TRPA1: variants seen among roughly 807,000 people sequenced by gnomAD.
TRPA1 encodes ankyrin-like with transmembrane domains 1.
Under a neutral mutation model 131.3 loss-of-function variants are expected in TRPA1, and 129 were observed. The observed-to-expected ratio is 0.98, with a 90% CI of 0.85 to 1.14. The LOEUF (loss-of-function observed/expected upper bound fraction) is 1.14, where lower values mean the gene tolerates loss of function less well. Ranked by LOEUF, TRPA1 falls within the 50% of genes most tolerant of loss-of-function variation. The probability of loss-of-function intolerance (pLI) is 0.00; values close to 1 mark genes in which losing one functional copy is unlikely to be tolerated. For missense variants in TRPA1, 1,304 were observed against 1,354.2 expected (o/e 0.96, Z 0.58); for synonymous variants, 441 against 451.7 (o/e 0.98, Z 0.30).
chr8:72,062,921 G>T lies in TRPA1; in HGVS notation c.685C>A (p.Gln229Lys), dbSNP rs1242527235. Residue 229 changes from glutamine (Q) to lysine (K), a missense_variant, in exon 6 of 27, where the codon CAG becomes AAG. Coordinates refer to ENST00000262209, the MANE Select transcript of TRPA1 (RefSeq NM_007332.3). ...RFGEEHGYSRQLHINFMNNGK... is the reference protein window; with the variant it reads ...RFGEEHGYSRKLHINFMNNGK... ...TTATTCATAAAGTTAATGTGCAACT[G>T]TCTACTGTACCCATGCTCTTCACCT... 6.2e-7 allele frequency: 1 copy of T among 1,613,850 alleles called. No individual in the cohort carries two copies. The highest frequency in any genetic ancestry group is 8.5e-7 in the Non-Finnish European group (1 of 1,179,928).
chr8:72,034,368 A>C lies in TRPA1; in HGVS notation c.2565T>G (p.Asn855Lys). The C allele has an allele frequency of 6.6e-7, 1 of 1,524,690 alleles. No individual in the cohort carries two copies. Among genetic ancestry groups the C allele is most frequent in the South Asian group, 1.2e-5 (1 of 83,706 alleles). 94.4% of individuals were successfully genotyped at this position (1,524,690 alleles called of 1,614,324 possible). The change falls in exon 22 of 27, where the codon AAT (asparagine) becomes AAG (lysine). Residue 855 changes from asparagine (N) to lysine (K), a missense_variant. Physicochemically the swap from Asn to Lys is moderately conservative, Grantham distance 94. Coordinates refer to ENST00000262209, the MANE Select transcript of TRPA1 (RefSeq NM_007332.3). ...NFLLYLQRFE[N>K]CGIFIVMLEV... ...CCAACATAACAATAAAAATTCCACA[A>C]TTTTCAAATCTAGAAAAGTAAAAAA... is the stretch of plus-strand genomic sequence containing the variant.
intron 24 of TRPA1, among the ~76,000 whole-genome samples, chr8:72,026,490 G>T (rs1436334673): frequency 1.3e-5 from 2 of 152,208 alleles, no homozygotes; most frequent in African/African-American, 4.8e-5. Context: ...ATGCGTGTGT[G>T]CACGTGCACA....
the TRPA1 span, among the ~76,000 whole-genome samples, chr8:72,084,874 A>G: frequency 1.3e-5 from 2 of 151,208 alleles, no homozygotes; most frequent in Non-Finnish European, 3.0e-5. Context: ...CTGGTCTCGA[A>G]CTCCCAACCT....
chr8:72,082,558 T>A, the TRPA1 span, among the ~76,000 whole-genome samples: 2 of 152,170 alleles, frequency 1.3e-5, no homozygotes, highest in African/African-American at 4.8e-5. Flanking sequence ...GCTTGGAAAA[T>A]AAAATAAGGA....
rs1034392431 is a variant in TRPA1, at chr8:72,022,006, G to A, written c.*900C>T. 13 of 152,164 alleles carry A rather than the reference G, an allele frequency of 8.5e-5. No individual in the cohort carries two copies. Among genetic ancestry groups the A allele is most frequent in the African/African-American group, 3.1e-4 (13 of 41,412 alleles). The allele number at this position is 152,164 out of a possible 1,614,324, so 9.4% of individuals were successfully genotyped here. On this transcript the variant is annotated 3_prime_UTR_variant, in exon 27 of 27. Coordinates refer to ENST00000262209, the MANE Select transcript of TRPA1 (RefSeq NM_007332.3). ...TTACAGTGAATATCTCCTGGGGGTA[G>A]TGAGGGAATAAACATGCTAATCAGG...
At chr8:72,041,626 CAAAAT>C (rs1585855915) in intron 17 of TRPA1, among the ~76,000 whole-genome samples, 1 of 151,278 alleles carries the variant, frequency 6.6e-6, no homozygotes, top group East Asian at 1.9e-4. Context: ...AGGTCAAAGA[CAAAAT>C]AAAACAGAAA....
At chr8:72,030,949 T>C (rs1235389690) in intron 23 of TRPA1, among the ~76,000 whole-genome samples, 1 of 152,204 alleles carries the variant, frequency 6.6e-6, no homozygotes, top group African/African-American at 2.4e-5. Context: ...GTTCCTGCCT[T>C]TGCTGAGCCA....
intron 1 of TRPA1, among the ~76,000 whole-genome samples, chr8:72,073,674 T>C (rs1340290774): frequency 6.6e-6 from 1 of 152,188 alleles, no homozygotes; most frequent in African/African-American, 2.4e-5. Flanking sequence ...ATAAAGACTA[T>C]TAGAAACACG....
chr8:72,072,625 G>T (rs1443883159), intron 1 of TRPA1, among the ~76,000 whole-genome samples: 1 of 152,130 alleles, frequency 6.6e-6, no homozygotes, highest in Non-Finnish European at 1.5e-5. Flanking sequence ...TTTAAAATGG[G>T]CTTCTTGCAG....
intron 24 of TRPA1, among the ~76,000 whole-genome samples, chr8:72,028,013 A>G (rs16937934): frequency 0.018 from 2,798 of 152,246 alleles, 116 homozygotes; most frequent in African/African-American, 0.063. Context: ...GGTATTTTAA[A>G]GAGCTGTTAG....
At chr8:72,036,757 T>C (rs529567076) in intron 20 of TRPA1, among the ~76,000 whole-genome samples, 1 of 152,320 alleles carries the variant, frequency 6.6e-6, no homozygotes, top group East Asian at 1.9e-4. Context: ...AGAAAACTTC[T>C]TGGGGACTGC....
At chr8:72,076,332 C>T (rs1382465033), upstream of TRPA1, among the ~76,000 whole-genome samples, 1 of 152,160 alleles carries the variant, frequency 6.6e-6, no homozygotes, top group Non-Finnish European at 1.5e-5. Context: ...CATTAAGTGT[C>T]AATCGAAGTG....
intron 1 of TRPA1, among the ~76,000 whole-genome samples, chr8:72,074,345 T>C (rs1195215768): frequency 6.6e-6 from 1 of 152,202 alleles, no homozygotes; most frequent in Non-Finnish European, 1.5e-5. Flanking sequence ...CAAAAATACA[T>C]TTTGTGAGTA....
chr8:72,071,404 A>G (rs922655526), intron 2 of TRPA1, among the ~76,000 whole-genome samples: 2 of 152,232 alleles, frequency 1.3e-5, no homozygotes, highest in Non-Finnish European at 2.9e-5. Context: ...TAAATGTAAA[A>G]TAACCTCAAT....
Position 72,033,791 on chromosome 8 carries a change from C to T in TRPA1, c.2721G>A (p.Gln907=). Residue 907 remains glutamine, a synonymous_variant, in exon 23 of 27, where the codon CAG becomes CAA. Transcript: ENST00000262209. ...PFSSPLLSII[Q]TFSMMLGDIN... is the part of the protein sequence containing the mutation. ...TATCTCCTAGCATCATGCTGAAGGT[C>T]TGGATTATAGAAAGCAATGGAGAGC... The T allele has an allele frequency of 6.2e-7, 1 of 1,614,016 alleles. No homozygotes were observed. The highest frequency in any genetic ancestry group is 1.7e-4 in the Middle Eastern group (1 of 6,058).
chr8:72,087,631 A>AATATATATATATAT, the TRPA1 span, among the ~76,000 whole-genome samples: 77 of 146,410 alleles, frequency 5.3e-4, no homozygotes, highest in African/African-American at 1.8e-3. Flanking sequence ...GGATCTATCA[A>AATATATATATATAT]ATATATATAT....
At chr8:72,061,578 C>T in intron 7 of TRPA1, 47 bp downstream of exon 7, 1 of 1,611,338 alleles carries the variant, frequency 6.2e-7, no homozygotes, top group South Asian at 1.1e-5. Flanking sequence ...TAATTTCACT[C>T]ATGAAGATGA....
chr8:72,034,405 CT>C, intron 21 of TRPA1, 28 bp from the exon 22 acceptor site: 1 of 1,349,818 alleles, frequency 7.4e-7, no homozygotes, highest in Non-Finnish European at 1.0e-6. Flanking sequence ...AAAAAATTTA[CT>C]CACTTTTATA....
At position 72,075,458 on chromosome 8, in the gene TRPA1, G is replaced by C. The variant is rs1366124952; in HGVS notation, c.-49C>G. 9.5e-6 allele frequency: 14 copies of C among 1,471,556 alleles called. No homozygotes were observed. The highest frequency in any genetic ancestry group is 1.1e-5 in the South Asian group (1 of 88,344). The allele number at this position is 1,471,556 out of a possible 1,614,324, so 91.2% of individuals were successfully genotyped here. The stretch of plus-strand genomic sequence containing the variant: ...GGTGCAGCTGCTCACCACGCGCGCG[G>C]GCACCTGGGGCGAGAGAGCGCTGTC... On this transcript the variant is annotated 5_prime_UTR_variant, in exon 1 of 27. Coordinates refer to ENST00000262209, the MANE Select transcript of TRPA1 (RefSeq NM_007332.3).
Sources: gnomAD v4.1 joint callset for allele counts (sites outside exome capture counted in the v4.1 genomes callset) on GRCh38, gnomAD v4.1.1 for gene constraint, MANE v1.5 for transcripts, NCBI Gene and HGNC (gene_info 2026-07-23, HGNC 2026-07-21) for gene names.